Variants in MBNL1 observed in about 807,000 individuals in gnomAD.
MBNL1 encodes the protein muscleblind like splicing regulator 1.
A neutral mutation model predicts 42.2 loss-of-function variants in MBNL1; 8 were observed. The ratio of observed to expected loss-of-function variants is 0.19; its 90% CI spans 0.11 to 0.34. The LOEUF is 0.34. Among genes scored for constraint, MBNL1 ranks in the 10% least tolerant of loss-of-function variants. The pLI is 1.00. For missense variants in MBNL1, 309 were observed against 495.3 expected, an observed-to-expected ratio of 0.62 and a Z score of 3.57; for synonymous variants, 169 against 173.9, an observed-to-expected ratio of 0.97 and a Z score of 0.22.
intron 1 of MBNL1, chr3:152,298,994 G>A (rs1341237619): frequency 6.6e-6 from 1 of 152,456 alleles, no homozygotes; most frequent in Non-Finnish European, 1.5e-5. Flanking sequence ...CTGCATGTTG[G>A]GTAAATTCAA....
chr3:152,246,754 T>C (rs2033130160), intron 2 of MBNL1, among the ~76,000 whole-genome samples: 1 of 152,046 alleles, frequency 6.6e-6, no homozygotes, highest in African/African-American at 2.4e-5. Context: ...ATTTGGTCTC[T>C]GTCTTAATAA....
Position 152,396,105 on chromosome 3 carries a change from T to C in MBNL1, c.175-18836T>C, listed in dbSNP as rs550990605. 1.1e-5 allele frequency: 3 copies of C among 268,440 alleles called. No homozygotes were observed. In the South Asian group the frequency reaches 1.1e-4, roughly 10 times the overall value. The allele number at this position is 268,440 out of a possible 1,614,324, so 16.6% of individuals were successfully genotyped here. A position where few individuals can be genotyped will look rare whatever the true frequency, so the allele number is the denominator to read the frequency against. On this transcript the variant is annotated intron_variant, in intron 2 of 9. Transcript: ENST00000324210. Reference sequence around the variant, plus strand: ...GAACTGTGCATGCAGGGGATCTAGGTTGGAGACGCTTTATGAGAATCTAAT... The same window carrying C: ...GAACTGTGCATGCAGGGGATCTAGGCTGGAGACGCTTTATGAGAATCTAAT...
intron 6 of MBNL1, among the ~76,000 whole-genome samples, chr3:152,452,422 C>T (rs191148429): frequency 6.6e-6 from 1 of 152,264 alleles, no homozygotes; most frequent in Admixed American, 6.5e-5. Context: ...CTGACCTTAC[C>T]TCAATGTGAG....
intron 2 of MBNL1, among the ~76,000 whole-genome samples, chr3:152,259,833 T>C (rs550602298): frequency 5.3e-5 from 8 of 152,204 alleles, no homozygotes; most frequent in Non-Finnish European, 8.8e-5. Flanking sequence ...AACTATAATG[T>C]GAGACATTTG....
At chr3:152,412,572 T>G (rs1453907454) in intron 2 of MBNL1, among the ~76,000 whole-genome samples, 1 of 152,234 alleles carries the variant, frequency 6.6e-6, no homozygotes, top group Non-Finnish European at 1.5e-5. Flanking sequence ...GCATTTTTCC[T>G]GAGTAGATGT....
At chr3:152,387,583 T>A (rs940137113) in intron 2 of MBNL1, among the ~76,000 whole-genome samples, 1 of 152,132 alleles carries the variant, frequency 6.6e-6, no homozygotes, top group African/African-American at 2.4e-5. Flanking sequence ...AAAGTGTTCC[T>A]TTCTCATATA....
chr3:152,369,000 A>C (rs2096547340), intron 2 of MBNL1, among the ~76,000 whole-genome samples: 1 of 152,102 alleles, frequency 6.6e-6, no homozygotes, highest in African/African-American at 2.4e-5. Flanking sequence ...AATACACTTT[A>C]TTTCTTTCTC....
intron 2 of MBNL1, chr3:152,340,360 ATC>A (rs2092821358): frequency 2.7e-6 from 2 of 729,946 alleles, no homozygotes; most frequent in Non-Finnish European, 4.4e-6. Flanking sequence ...AACAATAGTA[ATC>A]TCTTGTGGTG....
At chr3:152,376,815 C>CAT (rs2096925914) in intron 2 of MBNL1, among the ~76,000 whole-genome samples, 1 of 152,188 alleles carries the variant, frequency 6.6e-6, no homozygotes, top group Non-Finnish European at 1.5e-5. Context: ...CACACACACA[C>CAT]ATACACACAC....
At chr3:152,325,656 A>G (rs1037534478) in intron 2 of MBNL1, among the ~76,000 whole-genome samples, 5 of 151,918 alleles carry the variant, frequency 3.3e-5, no homozygotes, top group African/African-American at 1.2e-4. Flanking sequence ...ATTTATGTAC[A>G]AATACATTGA....
chr3:152,324,731 A>G (rs1193657992), intron 2 of MBNL1, among the ~76,000 whole-genome samples: 1 of 152,124 alleles, frequency 6.6e-6, no homozygotes, highest in Non-Finnish European at 1.5e-5. Flanking sequence ...CACTATACCA[A>G]TTGCCAACTG....
At chr3:152,324,853 A>G (rs1223309324) in intron 2 of MBNL1, among the ~76,000 whole-genome samples, 2 of 152,084 alleles carry the variant, frequency 1.3e-5, no homozygotes, top group Admixed American at 6.6e-5. Flanking sequence ...AATAAGAAAC[A>G]CATTTATTTC....
intron 2 of MBNL1, among the ~76,000 whole-genome samples, chr3:152,358,629 G>A (rs1376563669): frequency 6.6e-6 from 1 of 151,856 alleles, no homozygotes; most frequent in East Asian, 1.9e-4. Context: ...TGTTGCTAAA[G>A]CATGCTTTGC....
chr3:152,340,467 A>T (rs2092859940), intron 2 of MBNL1: 1 of 1,509,016 alleles, frequency 6.6e-7, no homozygotes, highest in African/African-American at 1.4e-5. Context: ...ATATCAGACT[A>T]TGTGAATTTA....
intron 2 of MBNL1, among the ~76,000 whole-genome samples, chr3:152,402,964 C>G (rs771690500): frequency 2.0e-5 from 3 of 152,118 alleles, no homozygotes; most frequent in Non-Finnish European, 4.4e-5. Flanking sequence ...AGGAGAGGAA[C>G]ATGTACAAAA....
At chr3:152,359,533 A>G (rs2095790365) in intron 2 of MBNL1, among the ~76,000 whole-genome samples, 1 of 152,188 alleles carries the variant, frequency 6.6e-6, no homozygotes, top group South Asian at 2.1e-4. Flanking sequence ...AAAGCTACCT[A>G]AGTGAAATCA....
chr3:152,331,361 C>T (rs1310390960), intron 2 of MBNL1, among the ~76,000 whole-genome samples: 1 of 152,140 alleles, frequency 6.6e-6, no homozygotes, highest in Non-Finnish European at 1.5e-5. Context: ...TTTCTTTAGC[C>T]AGTTTTATTT....
chr3:152,308,466 G>A (rs2064447612), intron 2 of MBNL1, among the ~76,000 whole-genome samples: 1 of 152,150 alleles, frequency 6.6e-6, no homozygotes, highest in Non-Finnish European at 1.5e-5. Context: ...CCTGAAGCTA[G>A]TCTTTAATAG....
intron 2 of MBNL1, among the ~76,000 whole-genome samples, chr3:152,307,006 T>C (rs1445964937): frequency 6.6e-6 from 1 of 152,224 alleles, no homozygotes; most frequent in African/African-American, 2.4e-5. Context: ...ATTTATTTAT[T>C]TGAGACAGAG....
Sources: allele counts gnomAD v4.1 joint callset (sites outside exome capture counted in the v4.1 genomes callset), GRCh38; gene constraint gnomAD v4.1.1; transcripts MANE v1.5; gene names NCBI Gene and HGNC (gene_info 2026-07-23, HGNC 2026-07-21).